EPB41: variants seen among roughly 807,000 people sequenced by gnomAD.
The protein encoded by EPB41 is erythrocyte membrane protein band 4.1, also known as protein 4.1.
A neutral mutation model predicts 108.0 loss-of-function variants in EPB41; 65 were observed. The observed-to-expected ratio is 0.60, with a 90% CI of 0.49 to 0.74. The LOEUF (loss-of-function observed/expected upper bound fraction) is 0.74. EPB41 is among the 30% of genes least tolerant of loss of function. EPB41 has a pLI of 0.00. For synonymous variants in EPB41, 336 were observed against 358.9 expected, an observed-to-expected ratio of 0.94 and a Z score of 0.72; for missense variants, 875 against 1,037.0, an observed-to-expected ratio of 0.84 and a Z score of 2.15.
At chr1:29,071,720 T>G (rs1397253517) in intron 16 of EPB41, 5 of 152,028 alleles carry the variant, frequency 3.3e-5, no homozygotes. Flanking sequence ...ACAACTCACA[T>G]GCCTAACCTG....
intron 15 of EPB41, among the ~76,000 whole-genome samples, chr1:29,061,736 T>A (rs937659329): frequency 2.0e-5 from 3 of 151,842 alleles, no homozygotes; most frequent in Non-Finnish European, 4.4e-5. Flanking sequence ...CATGCCACAA[T>A]GCCCAGCTAA....
chr1:29,094,205 T>G (rs1371608847), intron 16 of EPB41, among the ~76,000 whole-genome samples: 1 of 152,164 alleles, frequency 6.6e-6, no homozygotes, highest in African/African-American at 2.4e-5. Flanking sequence ...CTATTCTGTT[T>G]CATATGTCCA....
intron 16 of EPB41, chr1:29,070,210 A>T (rs1297107676): frequency 1.8e-6 from 1 of 543,784 alleles, no homozygotes; most frequent in Non-Finnish European, 2.8e-6. Flanking sequence ...CTTTGCCAGG[A>T]TAAATTGCCA....
chr1:29,036,185 G>C (rs1169834953), intron 10 of EPB41, among the ~76,000 whole-genome samples: 1 of 151,956 alleles, frequency 6.6e-6, no homozygotes, highest in Non-Finnish European at 1.5e-5. Context: ...CAGGGACTCT[G>C]GGATTGCATT....
chr1:28,983,115 G>A (rs959096575), intron 1 of EPB41, among the ~76,000 whole-genome samples: 7 of 152,278 alleles, frequency 4.6e-5, no homozygotes, highest in African/African-American at 1.2e-4. Flanking sequence ...CTGGGCACTT[G>A]TCACAGCTGG....
At chr1:28,892,070 G>C (rs1304468093) in intron 1 of EPB41, among the ~76,000 whole-genome samples, 1 of 81,560 alleles carries the variant, frequency 1.2e-5, no homozygotes, top group Non-Finnish European at 2.3e-5. Context: ...TCCAGCCTGG[G>C]CAATAAGAAC....
At chr1:28,914,840 C>T (rs1251370031) in intron 1 of EPB41, 72 bp downstream of exon 1, 1 of 152,266 alleles carries the variant, frequency 6.6e-6, no homozygotes, top group Non-Finnish European at 1.5e-5. Context: ...GGGGACGGTC[C>T]TGGCGGCCGC....
intron 1 of EPB41, among the ~76,000 whole-genome samples, chr1:28,957,449 G>A (rs1389120356): frequency 6.6e-6 from 1 of 152,176 alleles, no homozygotes; most frequent in African/African-American, 2.4e-5. Flanking sequence ...CTGTCACCCA[G>A]GCTGAAGTGC....
chr1:29,059,670 T>A (rs1646168259), intron 14 of EPB41, among the ~76,000 whole-genome samples: 1 of 151,970 alleles, frequency 6.6e-6, no homozygotes, highest in Admixed American at 6.6e-5. Flanking sequence ...CCCAGCTGCT[T>A]GGGAGGCTGA....
At chr1:29,030,941 GCCT>G (rs1393115797) in intron 8 of EPB41, among the ~76,000 whole-genome samples, 1 of 151,936 alleles carries the variant, frequency 6.6e-6, no homozygotes, top group Non-Finnish European at 1.5e-5. Context: ...TCCTGCCTCA[GCCT>G]CCTGAGTAGC....
intron 1 of EPB41, among the ~76,000 whole-genome samples, chr1:28,955,321 A>G (rs571626834): frequency 2.6e-4 from 39 of 151,824 alleles, no homozygotes; most frequent in Non-Finnish European, 4.4e-4. Context: ...TTTTTCCTTG[A>G]CAATCTGATG....
At chr1:29,037,063 C>T (rs754561178) in intron 10 of EPB41, among the ~76,000 whole-genome samples, 8 of 151,742 alleles carry the variant, frequency 5.3e-5, no homozygotes, top group Non-Finnish European at 7.4e-5. Flanking sequence ...CAATAGTACC[C>T]GATAATCAGA....
At chr1:29,113,159 G>T (rs2151733854) in intron 19 of EPB41, among the ~76,000 whole-genome samples, 1 of 152,256 alleles carries the variant, frequency 6.6e-6, no homozygotes, top group Non-Finnish European at 1.5e-5. Flanking sequence ...TGCTAATTGT[G>T]TGCTGCAAGC....
chr1:29,039,749 G>A (rs1165532762), intron 11 of EPB41, among the ~76,000 whole-genome samples: 1 of 152,140 alleles, frequency 6.6e-6, no homozygotes, highest in Non-Finnish European at 1.5e-5. Context: ...AGGAGGTAGA[G>A]GTTGTAGTGA....
intron 1 of EPB41, among the ~76,000 whole-genome samples, chr1:28,915,114 A>C (rs1462383666): frequency 6.6e-6 from 1 of 152,094 alleles, no homozygotes; most frequent in Non-Finnish European, 1.5e-5. Context: ...GAGGAAACCA[A>C]ATGCGGAGAA....
At chr1:29,089,168 G>A (rs1490700273) in intron 16 of EPB41, among the ~76,000 whole-genome samples, 2 of 152,194 alleles carry the variant, frequency 1.3e-5, no homozygotes, top group Admixed American at 6.5e-5. Flanking sequence ...GATTAGCACA[G>A]CACCTGGCAC....
intron 1 of EPB41, among the ~76,000 whole-genome samples, chr1:28,917,525 C>G (rs1015469651): frequency 1.3e-5 from 2 of 151,880 alleles, no homozygotes; most frequent in African/African-American, 4.8e-5. Context: ...GTGATCCACC[C>G]GCCTCGGCCT....
intron 8 of EPB41, among the ~76,000 whole-genome samples, chr1:29,031,347 T>C (rs61783664): frequency 0.059 from 8,977 of 152,238 alleles, 331 homozygotes; most frequent in Non-Finnish European, 0.091. Flanking sequence ...TCACTGAGGA[T>C]GTTCATTAAA....
intron 11 of EPB41, among the ~76,000 whole-genome samples, chr1:29,051,960 C>A (rs978654561): frequency 6.6e-6 from 1 of 150,984 alleles, no homozygotes; most frequent in African/African-American, 2.4e-5. Flanking sequence ...AATACTAAAT[C>A]ATGCACAAAA....
Sources: gnomAD v4.1 joint callset for allele counts (sites outside exome capture counted in the v4.1 genomes callset) on GRCh38, gnomAD v4.1.1 for gene constraint, MANE v1.5 for transcripts, NCBI Gene and HGNC (gene_info 2026-07-23, HGNC 2026-07-21) for gene names.